Variants in GPR179 observed in about 807,000 individuals in gnomAD.
GPR179 encodes the protein probable G protein-coupled receptor 179.
A neutral mutation model predicts 70.8 loss-of-function variants in GPR179; 52 were observed. The observed-to-expected ratio is 0.73, with a 90% CI of 0.59 to 0.93. The LOEUF is 0.93. Ranked by LOEUF, GPR179 falls within the 40% of genes least tolerant of loss-of-function variation. GPR179 has a pLI of 0.00. For missense variants in GPR179, 2,734 were observed against 2,966.8 expected (o/e 0.92, Z 1.82); for synonymous variants, 1,123 against 1,169.0 (o/e 0.96, Z 0.80).
At chr17:38,340,574 G>A (rs1003903038) in intron 1 of GPR179, among the ~76,000 whole-genome samples, 1 of 152,214 alleles carries the variant, frequency 6.6e-6, no homozygotes, top group Non-Finnish European at 1.5e-5. Context: ...AAGCCACTGA[G>A]CCTCTGCCAC....
rs969671406 is a variant in GPR179 at position 38,330,087 on chromosome 17, G to A, written c.3482C>T (p.Thr1161Ile). ...TTGACAGACTTGGAGCATCCTGCTGGTGTGAGCGTTCTGTTGGTTCTGGAG... is the reference window on the plus strand; with the variant it reads ...TTGACAGACTTGGAGCATCCTGCTGATGTGAGCGTTCTGTTGGTTCTGGAG... Reference protein sequence around the residue: ...ESLQNQQNAHTSRMLQVCQRE... With the variant: ...ESLQNQQNAHISRMLQVCQRE... Residue 1161 changes from threonine to isoleucine, a missense_variant, in exon 11 of 11, where the codon ACC becomes ATC. Transcript: ENST00000616987. 6.2e-7 allele frequency: 1 copy of A among 1,613,806 alleles called. No individual in the cohort carries two copies. Among genetic ancestry groups the A allele is most frequent in the Non-Finnish European group, 8.5e-7 (1 of 1,179,824 alleles).
At chr17:38,335,808 C>T (rs1255279551) in intron 5 of GPR179, 108 bp from the exon 6 acceptor site, 2 of 743,000 alleles carry the variant, frequency 2.7e-6, no homozygotes, top group Admixed American at 4.2e-5. Flanking sequence ...ATAGAGCCAT[C>T]ACCACCTTCA....
intron 2 of GPR179, among the ~76,000 whole-genome samples, chr17:38,338,398 G>A (rs1040622923): frequency 5.9e-5 from 9 of 152,202 alleles, no homozygotes; most frequent in Admixed American, 5.2e-4. Flanking sequence ...AGACATCAGT[G>A]ACGCAAATGA....
In GPR179 at chr17:38,330,168, C is replaced by CG. The variant is rs2037339077; in HGVS notation, c.3400dup (p.Arg1134ProfsTer7). On this transcript the variant is annotated frameshift_variant, in exon 11 of 11. Transcript: ENST00000616987. LOFTEE classifies it low-confidence loss of function (END_TRUNC). ...GGCCTGCTTACTCACCGCCTTGGGCCGGCCTAGCCTGGGCGATCGGGAGGG... is the reference window on the plus strand; with the variant it reads ...GGCCTGCTTACTCACCGCCTTGGGCCGGGCCTAGCCTGGGCGATCGGGAGGG... The CG allele has an allele frequency of 1.8e-5, 29 of 1,577,398 alleles. No individual in the cohort carries two copies. The highest frequency in any genetic ancestry group is 2.4e-5 in the Non-Finnish European group (28 of 1,161,262).
chr17:38,336,914 T>C, intron 4 of GPR179, 64 bp downstream of exon 4: 1 of 1,485,428 alleles, frequency 6.7e-7, no homozygotes, highest in Non-Finnish European at 9.1e-7. Flanking sequence ...TGGTCTTAGG[T>C]AGTCTCAGGC....
At position 38,343,533 on chromosome 17, in the gene GPR179, C is replaced by G. The variant is rs754358716; in HGVS notation, c.257G>C (p.Gly86Ala). 10 of 1,613,682 alleles carry G rather than the reference C, an allele frequency of 6.2e-6. No individual in the cohort carries two copies. The highest frequency in any genetic ancestry group is 8.5e-6 in the Non-Finnish European group (10 of 1,180,020). The change falls in exon 1 of 11, where the codon GGA (glycine) becomes GCA (alanine). Residue 86 changes from glycine (G) to alanine (A), a missense_variant. Coordinates refer to ENST00000616987, the MANE Select transcript of GPR179 (RefSeq NM_001004334.4). The surrounding 1 kb of genome is among the most constrained non-coding windows in gnomAD (Gnocchi z 4.2). Reference sequence around the variant, plus strand: ...GCTTGGGGGGAGCCCTGGCATGGCTCCTGCCCCACGCGCTTCATAGCGCTC... The same window carrying G: ...GCTTGGGGGGAGCCCTGGCATGGCTGCTGCCCCACGCGCTTCATAGCGCTC... The part of the protein sequence containing the change: ...CSERYEARGA[G>A]AMPGLPPSLQ...
rs777502915 is a variant in GPR179, at chr17:38,343,776, C to A, written c.14G>T (p.Gly5Val). Residue 5 changes from glycine to valine, a missense_variant, in exon 1 of 11, where the codon GGA (glycine) becomes GTA (valine). Coordinates refer to ENST00000616987, the MANE Select transcript of GPR179 (RefSeq NM_001004334.4). This position sits in a 1 kb window ranked among gnomAD's most constrained non-coding sequence, Gnocchi z 4.2. MGTRGAVMPPPMWGL... is the reference protein window; with the variant it reads MGTRVAVMPPPMWGL... ...CCACATAGGAGGGGGCATGACCGCT[C>A]CCCTGGTGCCCATCCTTGGGGCAGC... 5 of 1,510,004 alleles carry A rather than the reference C, an allele frequency of 3.3e-6. No homozygotes were observed. The Admixed American group carries it at 1.1e-4, about 34-fold the overall frequency. The allele number at this position is 1,510,004 out of a possible 1,614,324, so 93.5% of individuals were successfully genotyped here.
rs1567721880 is a variant in GPR179 at position 38,327,293 on chromosome 17, A to G, written c.6276T>C (p.Asp2092=). ...AACTGCCTCTGCTTCTGTCAGAAGC[A>G]TCTGGGGCTGGCTGTGGGGACAGAC... ...GKGLSPQPAP[D]ASDRSRGSSE... Residue 2092 remains aspartate, a synonymous_variant, in exon 11 of 11, where the codon GAT becomes GAC. Coordinates refer to ENST00000616987, the MANE Select transcript of GPR179 (RefSeq NM_001004334.4). 2 of 1,614,216 alleles carry G rather than the reference A, an allele frequency of 1.2e-6. No homozygotes were observed. The highest frequency in any genetic ancestry group is 1.1e-5 in the South Asian group (1 of 91,082).
chr17:38,329,251 C>T lies in GPR179; in HGVS notation c.4318G>A (p.Ala1440Thr). ...WESTDFRGPS[A>T]VSIQAPGSSE... is the part of the protein sequence containing the mutation. Reference sequence around the variant, plus strand: ...CTTCCTGGGGCCTGAATTGAGACTGCTGAGGGGCCCCGGAAATCTGTACTC... The same window carrying T: ...CTTCCTGGGGCCTGAATTGAGACTGTTGAGGGGCCCCGGAAATCTGTACTC... The change falls in exon 11 of 11, where the codon GCA becomes ACA. Residue 1440 changes from alanine (A) to threonine (T), a missense_variant. Transcript: ENST00000616987. 1 of 1,613,624 alleles carries T rather than the reference C, an allele frequency of 6.2e-7. No individual in the cohort carries two copies. The highest frequency in any genetic ancestry group is 8.5e-7 in the Non-Finnish European group (1 of 1,179,762).
At position 38,335,275 on chromosome 17, in the gene GPR179, C is replaced by T. The variant is rs1374726300; in HGVS notation, c.1407-4G>A. ...AGACAGAAACAGCTGCAGCACTCTG[C>T]GAGGGTTAGAATACACAGGGTGGAT... On this transcript the variant is annotated splice_region_variant and splice_polypyrimidine_tract_variant and intron_variant, in intron 6 of 10. Coordinates refer to ENST00000616987, the MANE Select transcript of GPR179 (RefSeq NM_001004334.4). 4.5e-6 allele frequency: 7 copies of T among 1,547,552 alleles called. No homozygotes were observed. The highest frequency in any genetic ancestry group is 2.4e-5 in the East Asian group (1 of 41,004).
rs778265568 is a variant in GPR179 at position 38,327,571 on chromosome 17, A to G, written c.5998T>C (p.Trp2000Arg). 15 of 1,614,000 alleles carry G rather than the reference A, an allele frequency of 9.3e-6. No individual in the cohort carries two copies. The highest frequency in any genetic ancestry group is 1.1e-5 in the Non-Finnish European group (13 of 1,179,982). ...TGGRAADVCP[W>R]DVPDAGVYKS... ...TACACACCTGCATCAGGAACATCCC[A>G]TGGGCACACGTCAGCGGCCCTGCCC... Residue 2000 changes from tryptophan to arginine, a missense_variant, in exon 11 of 11, where the codon TGG (tryptophan) becomes CGG (arginine). Physicochemically the swap from Trp to Arg is moderately radical, Grantham distance 101 (BLOSUM62 -3). Coordinates refer to ENST00000616987, the MANE Select transcript of GPR179 (RefSeq NM_001004334.4).
rs765063643 is a variant in GPR179 at position 38,343,340 on chromosome 17, G to T, written c.450C>A (p.Thr150=). Residue 150 remains threonine, a synonymous_variant, in exon 1 of 11, where the codon ACC becomes ACA. Coordinates refer to ENST00000616987, the MANE Select transcript of GPR179 (RefSeq NM_001004334.4). This position sits in a 1 kb window ranked among gnomAD's most constrained non-coding sequence, Gnocchi z 4.2. ...GGCTGGCCCCTGGTGGAGGGTTAAA[G>T]GTCAGCAAAGCCCTGTACACTCTTG... The part of the protein sequence containing the change: ...GDPRVYRALL[T]FNPPPGASHL... 2.5e-6 allele frequency: 4 copies of T among 1,614,182 alleles called. No individual in the cohort carries two copies. The highest frequency in any genetic ancestry group is 2.2e-5 in the South Asian group (2 of 91,088).
rs2144254708 is a variant in GPR179 at position 38,327,226 on chromosome 17, A to G, written c.6343T>C (p.Cys2115Arg). 6.2e-7 allele frequency: 1 copy of G among 1,614,140 alleles called. No individual in the cohort carries two copies. The highest frequency in any genetic ancestry group is 8.5e-7 in the Non-Finnish European group (1 of 1,180,024). ...GGAGCCTCTACCACTTCCCACAGACACACTTCCGCTACCCTGGTCTCCACA... is the reference window on the plus strand; with the variant it reads ...GGAGCCTCTACCACTTCCCACAGACGCACTTCCGCTACCCTGGTCTCCACA... Reference protein sequence around the residue: ...GSVETRVAEVCLWEVVEAPSA... With the variant: ...GSVETRVAEVRLWEVVEAPSA... The change falls in exon 11 of 11, where the codon TGT (cysteine) becomes CGT (arginine). Residue 2115 changes from cysteine (C) to arginine (R), a missense_variant. Coordinates refer to ENST00000616987, the MANE Select transcript of GPR179 (RefSeq NM_001004334.4).
rs994574181 is a variant in GPR179, at chr17:38,337,131, T to C, written c.1074A>G (p.Pro358=). ...TGCAGCTGGTGCAGCCCTCAGGACA[T>C]GGCAGACACTGCAGCAGTCTCCCAG... ...GRSGRLLQCL[P]CPEGCTSCMD... Residue 358 remains proline (P), a synonymous_variant, in exon 4 of 11, where the codon CCA becomes CCG. Coordinates refer to ENST00000616987, the MANE Select transcript of GPR179 (RefSeq NM_001004334.4). The C allele has an allele frequency of 2.5e-6, 4 of 1,612,694 alleles. No individual in the cohort carries two copies. In the Admixed American group the frequency reaches 5.0e-5, roughly 20 times the overall value.
In GPR179 at chr17:38,339,498, G is replaced by A; in HGVS notation, c.822C>T (p.Leu274=). 6.2e-7 allele frequency: 1 copy of A among 1,614,028 alleles called. No individual in the cohort carries two copies. Among genetic ancestry groups the A allele is most frequent in the Non-Finnish European group, 8.5e-7 (1 of 1,179,914 alleles). ...VRGQVQMDVD[L]QSVDINQCAS... is the part of the protein sequence containing the mutation. ...CACACTGATTGATGTCCACACTCTG[G>A]AGATCTACGTCCATCTGCACCTGCC... The change falls in exon 2 of 11, where the codon CTC becomes CTT. Residue 274 remains leucine (L), a synonymous_variant. Transcript: ENST00000616987.
chr17:38,331,611 T>C, intron 10 of GPR179, 80 bp from the exon 11 acceptor site: 3 of 1,515,936 alleles, frequency 2.0e-6, no homozygotes, highest in Non-Finnish European at 2.6e-6. Context: ...CACCCTTGCC[T>C]AGACCTTTTT....
In GPR179 at chr17:38,331,493, G is replaced by A. The variant is rs1406287481; in HGVS notation, c.2076C>T (p.His692=). ...TGTTTGCGGCCATTTCCTTGGTTTT[G>A]TGGACCTCTAGCTGGGCATAGAGCT... ...LKKLYAQLEV[H]KTKEMAANNP... Residue 692 remains histidine (H), a synonymous_variant, in exon 11 of 11, where the codon CAC becomes CAT. Coordinates refer to ENST00000616987, the MANE Select transcript of GPR179 (RefSeq NM_001004334.4). 5 of 1,613,502 alleles carry A rather than the reference G, an allele frequency of 3.1e-6. No homozygotes were observed. In the African/African-American group the frequency reaches 4.0e-5, roughly 13 times the overall value.
At position 38,343,204 on chromosome 17, in the gene GPR179, CAGGGGTGTCCAGGTCCCCAGG is replaced by C. The variant is rs762301856; in HGVS notation, c.565_585del (p.Pro189_Pro195del). The C allele has an allele frequency of 1.9e-6, 3 of 1,614,102 alleles. No individual in the cohort carries two copies. In the South Asian group the frequency reaches 3.3e-5, roughly 18 times the overall value. On this transcript the variant is annotated inframe_deletion, in exon 1 of 11. Transcript: ENST00000616987. This position sits in a 1 kb window ranked among gnomAD's most constrained non-coding sequence, Gnocchi z 4.2. ...TTGGTCAACACTCGCTTCTTCAGGG[CAGGGGTGTCCAGGTCCCCAGG>C]AGGGTTCTCCTCCTGCACCCAGTTC...
chr17:38,330,164 G>C lies in GPR179; in HGVS notation c.3405C>G (p.Pro1135=), dbSNP rs1262834543. The C allele has an allele frequency of 2.5e-6, 4 of 1,582,952 alleles. No homozygotes were observed. The South Asian group carries it at 4.7e-5, about 18-fold the overall frequency. The change falls in exon 11 of 11, where the codon CCC becomes CCG. Residue 1135 remains proline (P), a synonymous_variant. Coordinates refer to ENST00000616987, the MANE Select transcript of GPR179 (RefSeq NM_001004334.4). The part of the protein sequence containing the change: ...APSRSPRLGR[P]KAVSKQAALI... ...GAGCGGCCTGCTTACTCACCGCCTT[G>C]GGCCGGCCTAGCCTGGGCGATCGGG...
Sources: allele counts gnomAD v4.1 joint callset (sites outside exome capture counted in the v4.1 genomes callset), GRCh38; gene constraint gnomAD v4.1.1; non-coding constraint Gnocchi (gnomAD v3.1); transcripts MANE v1.5; gene names NCBI Gene and HGNC (gene_info 2026-07-23, HGNC 2026-07-21).